Variants in SMARCC2 observed in about 807,000 individuals in gnomAD.
SMARCC2 encodes SWI/SNF related BAF chromatin remodeling complex subunit C2.
A neutral mutation model predicts 151.3 loss-of-function variants in SMARCC2; 15 were observed. The observed-to-expected ratio is 0.10, with a 90% CI of 0.07 to 0.15. SMARCC2 has a LOEUF of 0.15. SMARCC2 is among the 10% of genes least tolerant of loss of function. SMARCC2 has a pLI of 1.00. For missense variants in SMARCC2, 1,031 were observed against 1,599.7 expected (o/e 0.64, Z 6.06); for synonymous variants, 590 against 609.5 (o/e 0.97, Z 0.47).
At position 56,178,405 on chromosome 12, in the gene SMARCC2, T is replaced by C. The variant is rs767791074; in HGVS notation, c.1309A>G (p.Ser437Gly). 9 of 1,614,114 alleles carry C rather than the reference T, an allele frequency of 5.6e-6. No individual in the cohort carries two copies. In the Admixed American group the frequency reaches 1.3e-4, roughly 24 times the overall value. ...PSYAAWFDYN[S>G]VHAIERRALP... The stretch of plus-strand genomic sequence containing the variant: ...GTGAGAAGTTGGGGACAACCATACC[T>C]ATTGTAGTCAAACCAGGCAGCGTAG... The change falls in exon 14 of 29, where the codon AGT becomes GGT. Residue 437 changes from serine (S) to glycine (G), a missense_variant and splice_region_variant. Around this residue, in one of 12 missense-constraint regions of SMARCC2, gnomAD observed 51 missense variants for 135.1 expected, o/e 0.38. Coordinates refer to ENST00000550164, the MANE Select transcript of SMARCC2 (RefSeq NM_001330288.2).
rs201954161 is a variant in SMARCC2, at chr12:56,164,389, G to A, written c.3575C>T (p.Pro1192Leu). The stretch of plus-strand genomic sequence containing the variant: ...TTGGGCTGCGGCGGATCCGAGCCCC[G>A]GCCCGAGAGGCAAGGAAGATGGCAT... ...TTMPSSLPLG[P>L]GLGSAAAQSP... is the part of the protein sequence containing the mutation. The change falls in exon 28 of 29, where the codon CCG becomes CTG. Residue 1192 changes from proline (P) to leucine (L), a missense_variant. Physicochemically the swap from Pro to Leu is moderately conservative, Grantham distance 98 (BLOSUM62 -3). Coordinates refer to ENST00000550164, the MANE Select transcript of SMARCC2 (RefSeq NM_001330288.2). The A allele has an allele frequency of 1.5e-4, 242 of 1,613,854 alleles. No homozygotes were observed. Among genetic ancestry groups the A allele is most frequent in the African/African-American group, 6.1e-4 (46 of 75,062 alleles).
chr12:56,173,971 T>C, intron 16 of SMARCC2, 122 bp from the exon 17 acceptor site: 1 of 821,718 alleles, frequency 1.2e-6, no homozygotes, highest in Non-Finnish European at 1.9e-6. Context: ...CCTTTTCCTC[T>C]GTTCATTGTA....
At chr12:56,183,081 C>T (rs998904363) in intron 7 of SMARCC2, among the ~76,000 whole-genome samples, 1 of 151,658 alleles carries the variant, frequency 6.6e-6, no homozygotes, top group Non-Finnish European at 1.5e-5. Context: ...CTCAAGCAAT[C>T]TGCCCACCTC....
chr12:56,165,720 T>C (rs746124468), intron 26 of SMARCC2, 21 bp from the exon 27 acceptor site: 3 of 1,604,252 alleles, frequency 1.9e-6, no homozygotes, highest in African/African-American at 2.7e-5. Flanking sequence ...CAATTGAGTA[T>C]TGTTATCCAA....
intron 10 of SMARCC2, 104 bp from the exon 11 acceptor site, chr12:56,181,205 G>C: frequency 8.5e-7 from 1 of 1,172,432 alleles, no homozygotes; most frequent in Non-Finnish European, 1.2e-6. Flanking sequence ...TCCAAGGGTA[G>C]AGCTGAGTAC....
chr12:56,172,803 G>C, intron 18 of SMARCC2, 99 bp from the exon 19 acceptor site: 2 of 1,580,874 alleles, frequency 1.3e-6, no homozygotes, highest in South Asian at 2.2e-5. Flanking sequence ...CTTTCCCAAA[G>C]CCAGGGACAC....
rs767877175 is a variant in SMARCC2 at position 56,172,502 on chromosome 12, A to G, written c.1864-12T>C. ...GCTGCAGCCTTGCTCTGCAGGGGAAACACAGGCAGGTGAGAAGAAAGGAGC... is the reference window on the plus strand; with the variant it reads ...GCTGCAGCCTTGCTCTGCAGGGGAAGCACAGGCAGGTGAGAAGAAAGGAGC... On this transcript the variant is annotated splice_polypyrimidine_tract_variant and intron_variant, in intron 19 of 28. Coordinates refer to ENST00000550164, the MANE Select transcript of SMARCC2 (RefSeq NM_001330288.2). The G allele has an allele frequency of 4.4e-6, 7 of 1,606,300 alleles. No individual in the cohort carries two copies. Among genetic ancestry groups the G allele is most frequent in the Non-Finnish European group, 3.4e-6 (4 of 1,174,890 alleles).
At position 56,186,039 on chromosome 12, in the gene SMARCC2, T is replaced by C. The variant is rs910070877; in HGVS notation, c.317+116A>G. 29 of 791,336 alleles carry C rather than the reference T, an allele frequency of 3.7e-5. No individual in the cohort carries two copies. In the Admixed American group the frequency reaches 4.3e-4, roughly 12 times the overall value. 49.0% of individuals were successfully genotyped at this position (791,336 alleles called of 1,614,324 possible). On this transcript the variant is annotated intron_variant, in intron 3 of 28. Transcript: ENST00000550164. The stretch of plus-strand genomic sequence containing the variant: ...TCCTGACGTAGTAAGTCAGGTCTAC[T>C]GACCCAGCAAAATAAAGAGACTCAC...
intron 19 of SMARCC2, 23 bp downstream of exon 19, chr12:56,172,561 CT>C: frequency 6.2e-7 from 1 of 1,614,100 alleles, no homozygotes; most frequent in Non-Finnish European, 8.5e-7. Flanking sequence ...TTCTCTACCC[CT>C]AGAGTCGGCC....
chr12:56,177,658 G>A (rs1367935801), intron 15 of SMARCC2, among the ~76,000 whole-genome samples: 9 of 151,330 alleles, frequency 5.9e-5, no homozygotes, highest in African/African-American at 1.5e-4. Context: ...GAACCAGCCT[G>A]GTAATAGTAA....
chr12:56,181,439 G>T, intron 10 of SMARCC2, 43 bp downstream of exon 10: 1 of 1,182,850 alleles, frequency 8.5e-7, no homozygotes, highest in Non-Finnish European at 1.2e-6. Context: ...AACATGATGT[G>T]GAGAGAATGG....
intron 5 of SMARCC2, 163 bp from the exon 6 acceptor site, chr12:56,184,407 G>T: frequency 1.7e-6 from 1 of 601,318 alleles, no homozygotes; most frequent in South Asian, 2.1e-5. Flanking sequence ...AAACAGCTGG[G>T]ATTGTGCTAA....
In SMARCC2 at chr12:56,169,704, G is replaced by A. The variant is rs745737609; in HGVS notation, c.2549-9C>T. ...CTCCTTCTCAGGATCGACTGGGCCAGGACAAGGGTTGAGTTAGCCCCACAG... is the reference window on the plus strand; with the variant it reads ...CTCCTTCTCAGGATCGACTGGGCCAAGACAAGGGTTGAGTTAGCCCCACAG... On this transcript the variant is annotated splice_polypyrimidine_tract_variant and intron_variant, in intron 24 of 28. Transcript: ENST00000550164. 5.0e-6 allele frequency: 8 copies of A among 1,614,054 alleles called. No homozygotes were observed. The highest frequency in any genetic ancestry group is 5.9e-6 in the Non-Finnish European group (7 of 1,179,998).
chr12:56,188,621 C>T (rs1877737641), intron 1 of SMARCC2, among the ~76,000 whole-genome samples: 2 of 152,236 alleles, frequency 1.3e-5, no homozygotes, highest in South Asian at 4.1e-4. Context: ...GTGTGAGGGG[C>T]TAGAGATAGG....
intron 1 of SMARCC2, among the ~76,000 whole-genome samples, chr12:56,187,874 C>G (rs1273094034): frequency 2.0e-5 from 3 of 152,170 alleles, no homozygotes; most frequent in Non-Finnish European, 4.4e-5. Flanking sequence ...ATCCACTACC[C>G]AGCCTGATGG....
Position 56,171,636 on chromosome 12 carries a change from A to G in SMARCC2, c.2185+43T>C. The G allele has an allele frequency of 6.6e-7, 1 of 1,523,498 alleles. No homozygotes were observed. The highest frequency in any genetic ancestry group is 8.8e-7 in the Non-Finnish European group (1 of 1,137,988). The allele number at this position is 1,523,498 out of a possible 1,614,324, so 94.4% of individuals were successfully genotyped here. On this transcript the variant is annotated intron_variant, in intron 21 of 28. Transcript: ENST00000550164. This position sits in a 1 kb window ranked among gnomAD's most constrained non-coding sequence, Gnocchi z 4.2. ...ACAGTCTGAGTAACTAGCCCTTCAA[A>G]AGCAAACTAAGAAGGCCAGGTGGAA...
Position 56,170,724 on chromosome 12 carries a change from CTTTTTTTT to C in SMARCC2, c.2348-524_2348-517del, listed in dbSNP as rs36061638. 1.4e-3 allele frequency among the ~76,000 whole-genome samples: 123 copies of C among 90,924 alleles called. 4 individuals carry two copies. The East Asian group carries it at 0.026, about 19-fold the overall frequency. The allele number at this position is 90,924 out of a possible 152,430, so 59.6% of individuals were successfully genotyped here. A position where few individuals can be genotyped will look rare whatever the true frequency, so the allele number is the denominator to read the frequency against. On this transcript the variant is annotated intron_variant, in intron 22 of 28. Coordinates refer to ENST00000550164, the MANE Select transcript of SMARCC2 (RefSeq NM_001330288.2). The stretch of plus-strand genomic sequence containing the variant: ...GCCACTGCACCCAGCCTTCACAAGA[CTTTTTTTT>C]TTTTTTTTTTTTTTTTGAGAGACGA...
intron 11 of SMARCC2, 63 bp downstream of exon 11, chr12:56,180,914 T>G (rs1299268904): frequency 7.1e-6 from 11 of 1,541,546 alleles, no homozygotes; most frequent in Non-Finnish European, 8.8e-6. Context: ...CACTTGGGGT[T>G]TGGCAAAGGA....
In SMARCC2 at chr12:56,171,981, T is replaced by A. The variant is rs750679763; in HGVS notation, c.1927-44A>T. On this transcript the variant is annotated intron_variant, in intron 20 of 28. Transcript: ENST00000550164. This position sits in a 1 kb window ranked among gnomAD's most constrained non-coding sequence, Gnocchi z 4.2. ...ACATAACTCCGCTTACTTAGCCACT[T>A]TTCTCGAAGGCTGACTCCCCCCATC... is the stretch of plus-strand genomic sequence containing the variant. 1 of 1,547,296 alleles carries A rather than the reference T, an allele frequency of 6.5e-7. No homozygotes were observed. The highest frequency in any genetic ancestry group is 1.9e-5 in the Admixed American group (1 of 51,616).
Sources: allele counts gnomAD v4.1 joint callset (sites outside exome capture counted in the v4.1 genomes callset), GRCh38; gene constraint gnomAD v4.1.1; regional missense constraint gnomAD v4.1.1; non-coding constraint Gnocchi (gnomAD v3.1); transcripts MANE v1.5; gene names NCBI Gene and HGNC (gene_info 2026-07-23, HGNC 2026-07-21).